LDB2: variants seen among roughly 807,000 people sequenced by gnomAD.
LDB2 encodes LIM domain-binding protein 2.
In LDB2, 12 loss-of-function variants were observed where a neutral mutation model predicts 44.3. The observed-to-expected ratio is 0.27, with a 90% CI of 0.17 to 0.44. The LOEUF (loss-of-function observed/expected upper bound fraction) is 0.44. Among genes scored for constraint, LDB2 ranks in the 20% least tolerant of loss-of-function variants. The pLI is 1.00. For missense variants in LDB2, 344 were observed against 473.5 expected (o/e 0.73, Z 2.54); for synonymous variants, 164 against 174.8 (o/e 0.94, Z 0.49).
intron 5 of LDB2, among the ~76,000 whole-genome samples, chr4:16,516,691 CT>C (rs1723867143): frequency 6.6e-6 from 1 of 152,152 alleles, no homozygotes; most frequent in Non-Finnish European, 1.5e-5. Context: ...AGCTCATTGT[CT>C]TTTCCTTTTT....
chr4:16,855,583 G>A (rs950252801), intron 1 of LDB2, among the ~76,000 whole-genome samples: 1 of 152,028 alleles, frequency 6.6e-6, no homozygotes, highest in African/African-American at 2.4e-5. Context: ...TGAACAAAGT[G>A]AGCCAATCAC....
At chr4:16,538,318 G>GA (rs1256736626) in intron 5 of LDB2, among the ~76,000 whole-genome samples, 1 of 152,026 alleles carries the variant, frequency 6.6e-6, no homozygotes, top group Non-Finnish European at 1.5e-5. Context: ...CCTGTGAAAT[G>GA]AAAAATCCCT....
At chr4:16,621,983 T>C (rs1729011448) in intron 2 of LDB2, among the ~76,000 whole-genome samples, 1 of 152,238 alleles carries the variant, frequency 6.6e-6, no homozygotes, top group Non-Finnish European at 1.5e-5. Flanking sequence ...GCAAAAGTAA[T>C]TGTGATTTTT....
intron 1 of LDB2, among the ~76,000 whole-genome samples, chr4:16,884,165 T>C (rs1435237769): frequency 6.6e-6 from 1 of 152,202 alleles, no homozygotes; most frequent in African/African-American, 2.4e-5. Flanking sequence ...CAAAACACTT[T>C]ATTAGCTCCC....
intron 2 of LDB2, among the ~76,000 whole-genome samples, chr4:16,743,057 A>G (rs559318856): frequency 2.2e-4 from 33 of 152,230 alleles, no homozygotes; most frequent in African/African-American, 7.2e-4. Context: ...TGGGAGCACA[A>G]GGTGGGTGGA....
At chr4:16,720,819 T>C (rs1758110086) in intron 2 of LDB2, among the ~76,000 whole-genome samples, 2 of 152,184 alleles carry the variant, frequency 1.3e-5, no homozygotes, top group African/African-American at 4.8e-5. Context: ...GACCAAGATC[T>C]TTAAAATCGT....
At chr4:16,700,338 G>T (rs573736724) in intron 2 of LDB2, among the ~76,000 whole-genome samples, 16 of 152,090 alleles carry the variant, frequency 1.1e-4, no homozygotes, top group African/African-American at 3.6e-4. Flanking sequence ...ACTGACTCTT[G>T]AAGCAACCCA....
chr4:16,584,088 G>A (rs1383929845), intron 5 of LDB2, among the ~76,000 whole-genome samples: 4 of 152,210 alleles, frequency 2.6e-5, no homozygotes, highest in Non-Finnish European at 2.9e-5. Flanking sequence ...GTAGAGAGTC[G>A]GCGCTGTGTT....
intron 1 of LDB2, among the ~76,000 whole-genome samples, chr4:16,800,611 G>C (rs1182446219): frequency 6.6e-6 from 1 of 152,234 alleles, no homozygotes; most frequent in African/African-American, 2.4e-5. Flanking sequence ...GTGGTTGTGG[G>C]GTGATAGGGA....
intron 2 of LDB2, chr4:16,674,254 A>T (rs1380501229): frequency 1.1e-5 from 14 of 1,289,102 alleles, no homozygotes; most frequent in African/African-American, 1.5e-5. Context: ...AATCCATCAC[A>T]GGCATCTGGT....
rs560573974 is a variant in LDB2 at position 16,637,295 on chromosome 4, G to A, written c.236-41420C>T. On this transcript the variant is annotated intron_variant, in intron 2 of 7. Transcript: ENST00000304523. ...ATGCTCTATGGAAGTTCTTGCCTAG[G>A]CTGATTTTTTTTTTTTTTTTTTTTT... 9.7e-4 allele frequency among the ~76,000 whole-genome samples: 123 copies of A among 126,408 alleles called. 2 individuals are homozygous for A. In the South Asian group the frequency reaches 0.026, roughly 26 times the overall value. 82.9% of individuals were successfully genotyped at this position (126,408 alleles called of 152,430 possible). A position where few individuals can be genotyped will look rare whatever the true frequency, so the allele number is the denominator to read the frequency against.
At chr4:16,850,181 G>A (rs566451041) in intron 1 of LDB2, among the ~76,000 whole-genome samples, 216 of 152,186 alleles carry the variant, frequency 1.4e-3, no homozygotes, top group South Asian at 2.9e-3. Flanking sequence ...CTGTGAGTCT[G>A]TTATGGGAGC....
At chr4:16,665,008 C>T (rs1039416165) in intron 2 of LDB2, among the ~76,000 whole-genome samples, 7 of 152,196 alleles carry the variant, frequency 4.6e-5, no homozygotes, top group African/African-American at 1.7e-4. Flanking sequence ...CCAGATAATA[C>T]AAAGCCACTC....
intron 1 of LDB2, among the ~76,000 whole-genome samples, chr4:16,814,180 T>G (rs976556560): frequency 6.6e-6 from 1 of 152,142 alleles, no homozygotes; most frequent in South Asian, 2.1e-4. Context: ...AGGGATACTG[T>G]TTTTCTAACA....
At chr4:16,605,096 A>T (rs542635150) in intron 2 of LDB2, among the ~76,000 whole-genome samples, 3 of 152,282 alleles carry the variant, frequency 2.0e-5, no homozygotes, top group South Asian at 2.1e-4. Context: ...ATATTTTTTT[A>T]AAAAATCATT....
intron 5 of LDB2, among the ~76,000 whole-genome samples, chr4:16,567,207 T>C (rs1054038151): frequency 1.3e-5 from 2 of 152,172 alleles, no homozygotes; most frequent in African/African-American, 4.8e-5. Flanking sequence ...TACATCATTG[T>C]GAATAGTAGA....
chr4:16,762,207 G>A (rs1768081806), intron 1 of LDB2, among the ~76,000 whole-genome samples: 2 of 151,760 alleles, frequency 1.3e-5, no homozygotes, highest in Admixed American at 6.6e-5. Context: ...AAAAAAAAAT[G>A]AACTTTATAA....
At chr4:16,703,471 G>A (rs1753944928) in intron 2 of LDB2, among the ~76,000 whole-genome samples, 1 of 152,176 alleles carries the variant, frequency 6.6e-6, no homozygotes, top group Non-Finnish European at 1.5e-5. Context: ...TTTATCCAAG[G>A]GTAATCTCAT....
chr4:16,652,372 T>C (rs909947174), intron 2 of LDB2, among the ~76,000 whole-genome samples: 1 of 152,234 alleles, frequency 6.6e-6, no homozygotes, highest in Admixed American at 6.5e-5. Context: ...ACTGAAAAGC[T>C]ACTTAAACAG....
Sources: gnomAD v4.1 joint callset for allele counts (sites outside exome capture counted in the v4.1 genomes callset) on GRCh38, gnomAD v4.1.1 for gene constraint, MANE v1.5 for transcripts, NCBI Gene and HGNC (gene_info 2026-07-23, HGNC 2026-07-21) for gene names.